Variants in STK24 observed in about 807,000 individuals in gnomAD.
STK24 encodes the protein serine/threonine kinase 24.
In STK24, 21 loss-of-function variants were observed where a neutral mutation model predicts 55.6. The ratio of observed to expected loss-of-function variants is 0.38; its 90% CI spans 0.27 to 0.54. The LOEUF (loss-of-function observed/expected upper bound fraction) is 0.54, where lower values mean the gene tolerates loss of function less well. Ranked by LOEUF, STK24 falls within the 20% of genes least tolerant of loss-of-function variation. The probability of loss-of-function intolerance (pLI) is 0.79; values close to 1 mark genes in which losing one functional copy is unlikely to be tolerated. For synonymous variants in STK24, 200 were observed against 215.2 expected (o/e 0.93, Z 0.62); for missense variants, 383 against 538.4 (o/e 0.71, Z 2.86).
chr13:98,574,527 G>A (rs1293235004), intron 1 of STK24, among the ~76,000 whole-genome samples: 1 of 152,050 alleles, frequency 6.6e-6, no homozygotes, highest in Non-Finnish European at 1.5e-5. Context: ...ATGTGCTGTT[G>A]TTTTTCTTTT....
chr13:98,547,176 T>C (rs1897050941), intron 1 of STK24, among the ~76,000 whole-genome samples: 1 of 152,142 alleles, frequency 6.6e-6, no homozygotes, highest in African/African-American at 2.4e-5. Flanking sequence ...CCTCCCAAAG[T>C]GCTGGGATTA....
Position 98,446,458 on chromosome 13 carries a change from T to G in STK24, c.*6715A>C. 1 of 611,144 alleles carries G rather than the reference T, an allele frequency of 1.6e-6. No individual in the cohort carries two copies. Among genetic ancestry groups the G allele is most frequent in the Non-Finnish European group, 2.9e-6 (1 of 346,758 alleles). The allele number at this position is 611,144 out of a possible 1,614,324, so 37.9% of individuals were successfully genotyped here. A position where few individuals can be genotyped will look rare whatever the true frequency, so the allele number is the denominator to read the frequency against. The stretch of plus-strand genomic sequence containing the variant: ...TTCTGCCTGGACAAGGGACGGGGGT[T>G]GGCTTTATCTACAGCTCAGTCCTGG... On this transcript the variant is annotated 3_prime_UTR_variant, in exon 11 of 11. Transcript: ENST00000539966.
intron 5 of STK24, among the ~76,000 whole-genome samples, chr13:98,468,820 C>T (rs1313696913): frequency 1.3e-5 from 2 of 152,232 alleles, no homozygotes; most frequent in Non-Finnish European, 1.5e-5. Context: ...TCAAACACGG[C>T]TCATTCCTTT....
At chr13:98,489,299 C>A (rs1242864623) in intron 2 of STK24, among the ~76,000 whole-genome samples, 2 of 152,182 alleles carry the variant, frequency 1.3e-5, no homozygotes, top group East Asian at 3.8e-4. Flanking sequence ...TGCAGGCTTG[C>A]GAACCCGGAA....
At chr13:98,528,885 C>T (rs567647182) in intron 1 of STK24, among the ~76,000 whole-genome samples, 17 of 152,058 alleles carry the variant, frequency 1.1e-4, no homozygotes, top group Non-Finnish European at 2.2e-4. Context: ...CTGGAGCGGG[C>T]GGGAGGATGC....
intron 3 of STK24, among the ~76,000 whole-genome samples, chr13:98,476,948 T>A (rs1043369256): frequency 6.6e-6 from 1 of 152,224 alleles, no homozygotes; most frequent in East Asian, 1.9e-4. Flanking sequence ...CACTTGTCGC[T>A]TTTAGTTTGA....
chr13:98,566,355 T>C (rs1411676447), intron 1 of STK24, among the ~76,000 whole-genome samples: 4 of 152,088 alleles, frequency 2.6e-5, no homozygotes, highest in African/African-American at 9.7e-5. Context: ...GGCAGAGCTG[T>C]GTTGGGGATG....
At position 98,505,312 on chromosome 13, in the gene STK24, C is replaced by T. The variant is rs559391091; in HGVS notation, c.273+13931G>A. ...CTACTTTTAACGAACCAATGTTTTC[C>T]ACTAAACATTTCAACTTAAGCCAAC... On this transcript the variant is annotated intron_variant, in intron 2 of 10. Coordinates refer to ENST00000539966, the MANE Select transcript of STK24 (RefSeq NM_001032296.4). Among the ~76,000 whole-genome samples, 50 of 152,320 alleles carry T rather than the reference C, an allele frequency of 3.3e-4. No individual in the cohort carries two copies. In the South Asian group the frequency reaches 8.3e-3, roughly 25 times the overall value.
intron 1 of STK24, among the ~76,000 whole-genome samples, chr13:98,548,844 AGAGT>A (rs1897091619): frequency 7.1e-6 from 1 of 140,760 alleles, no homozygotes; most frequent in Non-Finnish European, 1.5e-5. Flanking sequence ...CCCAGGCGAC[AGAGT>A]GAGACTCTGT....
In STK24 at chr13:98,482,449, G is replaced by A. The variant is rs1410880406; in HGVS notation, c.274-128C>T. 4 of 570,042 alleles carry A rather than the reference G, an allele frequency of 7.0e-6. No homozygotes were observed. In the East Asian group the frequency reaches 1.2e-4, roughly 18 times the overall value. The allele number at this position is 570,042 out of a possible 1,614,324, so 35.3% of individuals were successfully genotyped here. A position where few individuals can be genotyped will look rare whatever the true frequency, so the allele number is the denominator to read the frequency against. On this transcript the variant is annotated intron_variant, in intron 2 of 10. Transcript: ENST00000539966. ...GTTTTACAAACATGTACCAGCACGG[G>A]AAGTGTGTCAAAGTGAGAGCTGTGC... is the stretch of plus-strand genomic sequence containing the variant.
chr13:98,447,687 T>C lies in STK24; in HGVS notation c.*5486A>G, dbSNP rs2139185167. Reference sequence around the variant, plus strand: ...CACCGGTAGAGAGCAAATACACAAATATATAAAAAGGGAGATTTGGGCGTG... The same window carrying C: ...CACCGGTAGAGAGCAAATACACAAACATATAAAAAGGGAGATTTGGGCGTG... On this transcript the variant is annotated 3_prime_UTR_variant, in exon 11 of 11. Transcript: ENST00000539966. The C allele has an allele frequency of 6.5e-6, 1 of 153,712 alleles. No individual in the cohort carries two copies. The highest frequency in any genetic ancestry group is 1.9e-4 in the East Asian group (1 of 5,194). 9.5% of individuals were successfully genotyped at this position (153,712 alleles called of 1,614,324 possible).
Position 98,450,355 on chromosome 13 carries a change from G to A in STK24, c.*2818C>T, listed in dbSNP as rs1457400303. The A allele has an allele frequency of 6.6e-6, 1 of 152,196 alleles. No homozygotes were observed. The highest frequency in any genetic ancestry group is 1.5e-5 in the Non-Finnish European group (1 of 68,042). 9.4% of individuals were successfully genotyped at this position (152,196 alleles called of 1,614,324 possible). A position where few individuals can be genotyped will look rare whatever the true frequency, so the allele number is the denominator to read the frequency against. On this transcript the variant is annotated 3_prime_UTR_variant, in exon 11 of 11. Transcript: ENST00000539966. ...GAAATATAAAAAATGTTTATAAACT[G>A]ACAGTGTTTTGCCAGAGGAAAGGTA...
chr13:98,461,701 G>C (rs1049893639), intron 8 of STK24, 73 bp downstream of exon 8: 2 of 1,586,590 alleles, frequency 1.3e-6, no homozygotes, highest in Non-Finnish European at 1.7e-6. Flanking sequence ...CCCACAGCAA[G>C]CTTCACACAC....
intron 1 of STK24, among the ~76,000 whole-genome samples, chr13:98,559,585 C>T (rs1357405900): frequency 2.6e-5 from 4 of 151,986 alleles, no homozygotes; most frequent in African/African-American, 9.7e-5. Flanking sequence ...TTTTGTCATG[C>T]GATTAAATGG....
rs530653022 is a variant in STK24, at chr13:98,506,193, A to G, written c.273+13050T>C. Among the ~76,000 whole-genome samples, 15 of 152,354 alleles carry G rather than the reference A, an allele frequency of 9.8e-5. No homozygotes were observed. The South Asian group carries it at 3.1e-3, about 32-fold the overall frequency. ...CCAGAAACGACTAGGAACTAACTCC[A>G]AACACATCAGTCAATTCTCTAGAGC... On this transcript the variant is annotated intron_variant, in intron 2 of 10. Coordinates refer to ENST00000539966, the MANE Select transcript of STK24 (RefSeq NM_001032296.4).
In STK24 at chr13:98,576,638, G is replaced by C. The variant is rs550213402; in HGVS notation, c.42+107C>G. ...CCGGGCGCGCGGGGAGCCAGGCTCC[G>C]GCGCGACCCCGGCCGGCTGAGCGTA... On this transcript the variant is annotated intron_variant, in intron 1 of 10. Coordinates refer to ENST00000539966, the MANE Select transcript of STK24 (RefSeq NM_001032296.4). 236 of 981,358 alleles carry C rather than the reference G, an allele frequency of 2.4e-4. No individual in the cohort carries two copies. The African/African-American group carries it at 3.6e-3, about 15-fold the overall frequency. The allele number at this position is 981,358 out of a possible 1,614,324, so 60.8% of individuals were successfully genotyped here.
chr13:98,463,647 A>C (rs1893805950), intron 7 of STK24, 44 bp downstream of exon 7: 2 of 1,550,340 alleles, frequency 1.3e-6, no homozygotes, highest in Non-Finnish European at 1.7e-6. Flanking sequence ...AGACCAGCGG[A>C]TCCCTCCCAC....
At chr13:98,537,377 C>T (rs538848232) in intron 1 of STK24, among the ~76,000 whole-genome samples, 30 of 152,330 alleles carry the variant, frequency 2.0e-4, no homozygotes, top group Middle Eastern at 3.4e-3. Flanking sequence ...TGAACAGCAG[C>T]GGGCTCATTC....
At chr13:98,470,945 G>C (rs955973408) in intron 5 of STK24, among the ~76,000 whole-genome samples, 4 of 152,182 alleles carry the variant, frequency 2.6e-5, no homozygotes, top group Admixed American at 6.5e-5. Flanking sequence ...AAGCAGATGC[G>C]ATCATTAGGA....
Sources: gnomAD v4.1 joint callset for allele counts (sites outside exome capture counted in the v4.1 genomes callset) on GRCh38, gnomAD v4.1.1 for gene constraint, MANE v1.5 for transcripts, NCBI Gene and HGNC (gene_info 2026-07-23, HGNC 2026-07-21) for gene names.